The following AKAP11 variants were observed in gnomAD, a reference collection of about 807,000 sequenced individuals.
AKAP11 encodes the protein A-kinase anchor protein 11.
Under a neutral mutation model 146.1 loss-of-function variants are expected in AKAP11, and 36 were observed. The ratio of observed to expected loss-of-function variants is 0.25; its 90% CI spans 0.19 to 0.33. The LOEUF is 0.33. Among genes scored for constraint, AKAP11 ranks in the 10% least tolerant of loss-of-function variants. The pLI is 1.00. For synonymous variants in AKAP11, 780 were observed against 786.5 expected (o/e 0.99, Z 0.14); for missense variants, 2,201 against 2,197.0 (o/e 1.00, Z -0.04).
chr13:42,302,347 G>T lies in AKAP11; in HGVS notation c.3601G>T (p.Ala1201Ser). The change falls in exon 8 of 13, where the codon GCA (alanine) becomes TCA (serine). Residue 1201 changes from alanine (A) to serine (S), a missense_variant. Ala to Ser is a moderately conservative substitution (Grantham distance 99). Transcript: ENST00000025301. The part of the protein sequence containing the change: ...HSGKKVQFAE[A>S]LATHILSLAT... The stretch of plus-strand genomic sequence containing the variant: ...AGGGAAGAAGGTTCAGTTTGCAGAA[G>T]CATTAGCTACACACATCCTTTCTCT... 6.2e-7 allele frequency: 1 copy of T among 1,614,164 alleles called. No individual in the cohort carries two copies. The highest frequency in any genetic ancestry group is 8.5e-7 in the Non-Finnish European group (1 of 1,180,016).
Position 42,300,293 on chromosome 13 carries a change from A to C in AKAP11, c.1547A>C (p.Asn516Thr). ...THHTNTLSNINSIKHGENKTV... is the reference protein window; with the variant it reads ...THHTNTLSNITSIKHGENKTV... ...CATACTAATACCCTATCAAATATTA[A>C]CAGTATTAAACATGGAGAAAATAAA... The change falls in exon 8 of 13, where the codon AAC becomes ACC. Residue 516 changes from asparagine (N) to threonine (T), a missense_variant. Physicochemically the swap from Asn to Thr is moderately conservative, Grantham distance 65 (BLOSUM62 0). Transcript: ENST00000025301. 2 of 1,612,990 alleles carry C rather than the reference A, an allele frequency of 1.2e-6. No individual in the cohort carries two copies. Among genetic ancestry groups the C allele is most frequent in the Middle Eastern group, 1.7e-4 (1 of 6,054 alleles).
At chr13:42,318,768 A>G (rs544833388) in intron 12 of AKAP11, among the ~76,000 whole-genome samples, 233 of 152,262 alleles carry the variant, frequency 1.5e-3, no homozygotes, top group Non-Finnish European at 2.7e-3. Flanking sequence ...GTATTTAGTT[A>G]GGTGAAGAAT....
At chr13:42,297,998 G>A (rs926918934) in intron 6 of AKAP11, among the ~76,000 whole-genome samples, 2 of 151,892 alleles carry the variant, frequency 1.3e-5, no homozygotes, top group Non-Finnish European at 2.9e-5. Flanking sequence ...GTATGAGGGG[G>A]AAAATCTGGT....
intron 4 of AKAP11, among the ~76,000 whole-genome samples, chr13:42,292,922 G>T (rs952911374): frequency 6.6e-6 from 1 of 152,024 alleles, no homozygotes; most frequent in African/African-American, 2.4e-5. Flanking sequence ...AAATGAAAAA[G>T]TAGTGATAAA....
rs564002974 is a variant in AKAP11 at position 42,301,592 on chromosome 13, A to T, written c.2846A>T (p.His949Leu). The T allele has an allele frequency of 1.2e-6, 2 of 1,614,126 alleles. No individual in the cohort carries two copies. Among genetic ancestry groups the T allele is most frequent in the African/African-American group, 2.7e-5 (2 of 75,066 alleles). The change falls in exon 8 of 13, where the codon CAT (histidine) becomes CTT (leucine). Residue 949 changes from histidine (H) to leucine (L), a missense_variant. This residue lies in a region of AKAP11 where 1,867 missense variants were observed against 1,833.5 expected (regional missense o/e 1.02). Coordinates refer to ENST00000025301, the MANE Select transcript of AKAP11 (RefSeq NM_016248.4). ...CGGTTATCTAAATCTATTATTAAAC[A>T]TTCCATAGATAAGAGCAAATCAGTG... ...ADRLSKSIIK[H>L]SIDKSKSVIP...
intron 1 of AKAP11, among the ~76,000 whole-genome samples, chr13:42,278,556 C>CT (rs1310512497): frequency 1.3e-5 from 2 of 152,120 alleles, no homozygotes; most frequent in Non-Finnish European, 2.9e-5. Context: ...CTATGACAGT[C>CT]TTTTTTTGTC....
chr13:42,315,327 T>A (rs898222390), intron 11 of AKAP11, among the ~76,000 whole-genome samples: 1 of 152,180 alleles, frequency 6.6e-6, no homozygotes, highest in Non-Finnish European at 1.5e-5. Flanking sequence ...TCATCAGATA[T>A]AAAGTCGAGA....
chr13:42,315,709 T>C lies in AKAP11; in HGVS notation c.5404+1769T>C, dbSNP rs934001978. 5.3e-5 allele frequency among the ~76,000 whole-genome samples: 8 copies of C among 152,354 alleles called. 1 individual carries two copies. The South Asian group carries it at 1.2e-3, about 24-fold the overall frequency. Reference sequence around the variant, plus strand: ...TAATTATATGTTGATATGTCATTACTGAGTTTTTGAGATTATAGGTATTTC... The same window carrying C: ...TAATTATATGTTGATATGTCATTACCGAGTTTTTGAGATTATAGGTATTTC... On this transcript the variant is annotated intron_variant, in intron 11 of 12. Coordinates refer to ENST00000025301, the MANE Select transcript of AKAP11 (RefSeq NM_016248.4).
At position 42,301,183 on chromosome 13, in the gene AKAP11, A is replaced by T. The variant is rs771829384; in HGVS notation, c.2437A>T (p.Asn813Tyr). The T allele has an allele frequency of 1.2e-6, 2 of 1,614,120 alleles. No homozygotes were observed. The highest frequency in any genetic ancestry group is 1.7e-6 in the Non-Finnish European group (2 of 1,179,974). The change falls in exon 8 of 13, where the codon AAT becomes TAT. Residue 813 changes from asparagine (N) to tyrosine (Y), a missense_variant. This residue lies in a region of AKAP11 where 1,867 missense variants were observed against 1,833.5 expected (regional missense o/e 1.02). Transcript: ENST00000025301. ...TCTGTCATCTGATGATAGTAATTCA[A>T]ATGGTGATTCTGCCCAAGTGCATAT... ...AHLSSDDSNS[N>Y]GDSAQVHIAT...
chr13:42,302,516 G>A lies in AKAP11; in HGVS notation c.3770G>A (p.Cys1257Tyr), dbSNP rs1959991698. The A allele has an allele frequency of 6.2e-7, 1 of 1,613,884 alleles. No individual in the cohort carries two copies. The highest frequency in any genetic ancestry group is 1.3e-5 in the African/African-American group (1 of 74,922). The change falls in exon 8 of 13, where the codon TGC (cysteine) becomes TAC (tyrosine). Residue 1257 changes from cysteine (C) to tyrosine (Y), a missense_variant. Around this residue, in one of 3 missense-constraint regions of AKAP11, gnomAD observed 1,867 missense variants for 1,833.5 expected, o/e 1.02. Coordinates refer to ENST00000025301, the MANE Select transcript of AKAP11 (RefSeq NM_016248.4). Reference protein sequence around the residue: ...NPSDENLKTLCNFAGDLAAEV... With the variant: ...NPSDENLKTLYNFAGDLAAEV... ...TCAGACGAAAATTTGAAAACATTATGCAATTTTGCGGGTGATCTGGCAGCA... is the reference window on the plus strand; with the variant it reads ...TCAGACGAAAATTTGAAAACATTATACAATTTTGCGGGTGATCTGGCAGCA...
In AKAP11 at chr13:42,303,841, A is replaced by G. The variant is rs755269998; in HGVS notation, c.5095A>G (p.Asn1699Asp). 9 of 1,585,978 alleles carry G rather than the reference A, an allele frequency of 5.7e-6. No individual in the cohort carries two copies. In the South Asian group the frequency reaches 1.0e-4, roughly 18 times the overall value. Residue 1699 changes from asparagine to aspartate, a missense_variant, in exon 8 of 13, where the codon AAT becomes GAT. Transcript: ENST00000025301. ...ATETMTAAVTNVGHAVSSSKE... is the reference protein window; with the variant it reads ...ATETMTAAVTDVGHAVSSSKE... The stretch of plus-strand genomic sequence containing the variant: ...AGAAACCATGACAGCAGCTGTCACA[A>G]ATGTTGGGCATGCTGTTAGCAGGTA...
intron 1 of AKAP11, among the ~76,000 whole-genome samples, chr13:42,278,754 C>T (rs1010204355): frequency 1.4e-4 from 21 of 152,206 alleles, no homozygotes; most frequent in Non-Finnish European, 2.6e-4. Flanking sequence ...TTTATTCCTT[C>T]GTGTAAGATT....
At chr13:42,288,173 C>G (rs974447679) in intron 3 of AKAP11, among the ~76,000 whole-genome samples, 20 of 152,194 alleles carry the variant, frequency 1.3e-4, no homozygotes, top group Middle Eastern at 3.4e-3. Flanking sequence ...TACTTGAATT[C>G]TTTAGATTTC....
chr13:42,303,666 TCATG>T lies in AKAP11; in HGVS notation c.4921_4924del (p.His1641LeufsTer13). 1 of 1,614,132 alleles carries T rather than the reference TCATG, an allele frequency of 6.2e-7. No homozygotes were observed. Among genetic ancestry groups the T allele is most frequent in the Non-Finnish European group, 8.5e-7 (1 of 1,179,992 alleles). ...TTTTTCATCTCAGTGTCCCTCAGAT[TCATG>T]TTAATCTTGATAAGAAGGCAGTGCT... is the stretch of plus-strand genomic sequence containing the variant. On this transcript the variant is annotated frameshift_variant, in exon 8 of 13. Coordinates refer to ENST00000025301, the MANE Select transcript of AKAP11 (RefSeq NM_016248.4). LOFTEE classifies it high-confidence loss of function.
chr13:42,298,911 A>C, intron 7 of AKAP11, 114 bp downstream of exon 7: 1 of 1,116,410 alleles, frequency 9.0e-7, no homozygotes, highest in South Asian at 1.8e-5. Flanking sequence ...ATTCAATTTA[A>C]ACCTTTTAAC....
intron 1 of AKAP11, among the ~76,000 whole-genome samples, chr13:42,275,743 G>A (rs117543401): frequency 2.0e-5 from 3 of 152,322 alleles, no homozygotes; most frequent in Non-Finnish European, 4.4e-5. Context: ...CCTATGCGTA[G>A]AATGGGCATA....
intron 8 of AKAP11, 94 bp from the exon 9 acceptor site, chr13:42,308,359 GT>G: frequency 9.2e-7 from 1 of 1,081,530 alleles, no homozygotes; most frequent in Non-Finnish European, 1.3e-6. Context: ...ACCATTTCTT[GT>G]TTTTATCATC....
rs948967682 is a variant in AKAP11, at chr13:42,317,402, T to C, written c.5405-126T>C. 9.2e-6 allele frequency: 9 copies of C among 980,904 alleles called. No individual in the cohort carries two copies. The African/African-American group carries it at 1.5e-4, about 16-fold the overall frequency. 60.8% of individuals were successfully genotyped at this position (980,904 alleles called of 1,614,324 possible). A position where few individuals can be genotyped will look rare whatever the true frequency, so the allele number is the denominator to read the frequency against. On this transcript the variant is annotated intron_variant, in intron 11 of 12. Coordinates refer to ENST00000025301, the MANE Select transcript of AKAP11 (RefSeq NM_016248.4). ...AGGTTATGGTGTGGTTAGAAAAAGA[T>C]GGATATTTTTTTCACCATTCATTAG...
intron 1 of AKAP11, among the ~76,000 whole-genome samples, chr13:42,274,867 T>C (rs1001733248): frequency 6.6e-6 from 1 of 152,230 alleles, no homozygotes; most frequent in African/African-American, 2.4e-5. Context: ...AGGTATATTG[T>C]AAAGAGTTTC....
Sources: gnomAD v4.1 joint callset for allele counts (sites outside exome capture counted in the v4.1 genomes callset) on GRCh38, gnomAD v4.1.1 for gene constraint, gnomAD v4.1.1 regional missense constraint, MANE v1.5 for transcripts, NCBI Gene and HGNC (gene_info 2026-07-23, HGNC 2026-07-21) for gene names.